Variants in METTL8 observed in about 807,000 individuals in gnomAD.
METTL8 encodes tRNA N(3)-cytidine methyltransferase METTL8, mitochondrial.
METTL8 carries 32 observed loss-of-function variants against 48.7 expected under a neutral mutation model. The observed-to-expected ratio is 0.66, with a 90% CI of 0.50 to 0.88. METTL8 has a LOEUF of 0.88. METTL8 is among the 40% of genes least tolerant of loss of function. The probability of loss-of-function intolerance (pLI) is 0.00; values close to 1 mark genes in which losing one functional copy is unlikely to be tolerated. For synonymous variants in METTL8, 136 were observed against 157.1 expected (o/e 0.87, Z 1.01); for missense variants, 464 against 474.4 (o/e 0.98, Z 0.20).
At chr2:171,327,583 A>T (rs900064003) in intron 7 of METTL8, among the ~76,000 whole-genome samples, 3 of 152,204 alleles carry the variant, frequency 2.0e-5, no homozygotes, top group Non-Finnish European at 4.4e-5. Flanking sequence ...TGTTCAGTGG[A>T]ATAGTAAGGT....
intron 1 of METTL8, chr2:171,414,828 T>TA (rs1691132482): frequency 6.6e-6 from 1 of 152,136 alleles, no homozygotes; most frequent in African/African-American, 2.4e-5. Context: ...GTAGCTCTCA[T>TA]AATTCCCACA....
At chr2:171,401,313 C>CA (rs1416443008) in intron 1 of METTL8, among the ~76,000 whole-genome samples, 2 of 152,146 alleles carry the variant, frequency 1.3e-5, no homozygotes, top group African/African-American at 2.4e-5. Flanking sequence ...TCAGCGAACT[C>CA]AGAGGGTGAC....
chr2:171,382,867 G>A (rs1442424231), intron 2 of METTL8, among the ~76,000 whole-genome samples: 1 of 152,162 alleles, frequency 6.6e-6, no homozygotes, highest in East Asian at 1.9e-4. Flanking sequence ...GAGGTCAGCA[G>A]TTCAAGACCA....
At chr2:171,341,410 T>C (rs1686752838) in intron 3 of METTL8, among the ~76,000 whole-genome samples, 1 of 152,042 alleles carries the variant, frequency 6.6e-6, no homozygotes, top group South Asian at 2.1e-4. Flanking sequence ...TTATTTATTT[T>C]ATATTTTTAG....
At chr2:171,423,505 T>C (rs1477458747) in intron 1 of METTL8, among the ~76,000 whole-genome samples, 3 of 152,164 alleles carry the variant, frequency 2.0e-5, no homozygotes, top group Admixed American at 6.5e-5. Context: ...TAAATGGTTT[T>C]GACCAAAATA....
At chr2:171,360,896 TCC>T (rs1685095231) in intron 2 of METTL8, among the ~76,000 whole-genome samples, 3 of 152,258 alleles carry the variant, frequency 2.0e-5, no homozygotes, top group Admixed American at 2.0e-4. Flanking sequence ...TTTTAAATGC[TCC>T]TCTTACAACA....
At chr2:171,365,153 C>T (rs1314971333) in intron 2 of METTL8, among the ~76,000 whole-genome samples, 1 of 152,130 alleles carries the variant, frequency 6.6e-6, no homozygotes, top group African/African-American at 2.4e-5. Flanking sequence ...TGTCTTTATG[C>T]CCCAAGAGCA....
At chr2:171,348,570 T>C (rs548082651) in intron 3 of METTL8, among the ~76,000 whole-genome samples, 2 of 152,232 alleles carry the variant, frequency 1.3e-5, no homozygotes, top group South Asian at 2.1e-4. Context: ...TAATCTATTG[T>C]ATTAGAAGCC....
At chr2:171,430,331 C>T (rs190573873) in intron 1 of METTL8, among the ~76,000 whole-genome samples, 110 of 151,956 alleles carry the variant, frequency 7.2e-4, no homozygotes, top group East Asian at 5.6e-3. Context: ...GCACTCCAGC[C>T]TGGACAACAG....
intron 2 of METTL8, among the ~76,000 whole-genome samples, chr2:171,391,156 A>C (rs1329749956): frequency 6.6e-6 from 1 of 152,234 alleles, no homozygotes; most frequent in Admixed American, 6.5e-5. Flanking sequence ...CTCTGCCAAC[A>C]AAAAGATTAT....
At chr2:171,412,216 C>T (rs1205452327) in intron 1 of METTL8, among the ~76,000 whole-genome samples, 1 of 152,214 alleles carries the variant, frequency 6.6e-6, no homozygotes, top group African/African-American at 2.4e-5. Context: ...ATTTCTCCAT[C>T]CTGCTCTCCG....
intron 7 of METTL8, among the ~76,000 whole-genome samples, chr2:171,328,308 G>A (rs374976762): frequency 2.6e-5 from 4 of 152,312 alleles, no homozygotes; most frequent in African/African-American, 7.2e-5. Context: ...TGACAAGAAG[G>A]ACAATTCGCT....
chr2:171,404,696 A>G (rs894324037), intron 1 of METTL8, among the ~76,000 whole-genome samples: 8 of 152,192 alleles, frequency 5.3e-5, no homozygotes, highest in African/African-American at 1.9e-4. Context: ...ATGTATTTAT[A>G]TATATTATAA....
chr2:171,391,397 G>C (rs1688565945), intron 2 of METTL8, among the ~76,000 whole-genome samples: 1 of 152,124 alleles, frequency 6.6e-6, no homozygotes, highest in African/African-American at 2.4e-5. Flanking sequence ...ACATTTCTGA[G>C]GTGTGCCTGT....
At chr2:171,341,846 C>CAT in intron 3 of METTL8, among the ~76,000 whole-genome samples, 1 of 151,682 alleles carries the variant, frequency 6.6e-6, no homozygotes, top group Admixed American at 6.6e-5. Context: ...CACACACACA[C>CAT]ACACACACAC....
At chr2:171,390,514 T>A (rs1179858295) in intron 2 of METTL8, among the ~76,000 whole-genome samples, 1 of 152,234 alleles carries the variant, frequency 6.6e-6, no homozygotes, top group Non-Finnish European at 1.5e-5. Flanking sequence ...AGAACATTTG[T>A]GATTCATGGG....
upstream of METTL8, chr2:171,434,644 C>T: frequency 5.2e-6 from 8 of 1,535,160 alleles, no homozygotes; most frequent in Non-Finnish European, 7.0e-6. Context: ...CTGCTTCTCG[C>T]GCGACGCAGG....
chr2:171,396,565 G>A (rs1319697492), intron 1 of METTL8, among the ~76,000 whole-genome samples: 1 of 152,082 alleles, frequency 6.6e-6, no homozygotes, highest in Non-Finnish European at 1.5e-5. Flanking sequence ...CTAATAGGCA[G>A]CATATTGTCA....
chr2:171,382,999 G>C (rs1438486338), intron 2 of METTL8, among the ~76,000 whole-genome samples: 2 of 152,050 alleles, frequency 1.3e-5, no homozygotes, highest in Non-Finnish European at 2.9e-5. Flanking sequence ...ACTTGAACCT[G>C]AGAGGCGGAG....
Sources: allele counts gnomAD v4.1 joint callset (sites outside exome capture counted in the v4.1 genomes callset), GRCh38; gene constraint gnomAD v4.1.1; transcripts MANE v1.5; gene names NCBI Gene and HGNC (gene_info 2026-07-23, HGNC 2026-07-21).